The following ARHGAP42 variants were observed in gnomAD, a reference collection of about 807,000 sequenced individuals.
ARHGAP42 encodes the protein Rho GTPase activating protein 42.
A neutral mutation model predicts 125.0 loss-of-function variants in ARHGAP42; 63 were observed. The observed-to-expected ratio is 0.50, with a 90% CI of 0.41 to 0.62. ARHGAP42 has a LOEUF of 0.62. ARHGAP42 is among the 20% of genes least tolerant of loss of function. The pLI, the probability that ARHGAP42 is intolerant of heterozygous loss-of-function variation, is 0.00. For missense variants in ARHGAP42, 766 were observed against 1,024.2 expected, an observed-to-expected ratio of 0.75 and a Z score of 3.44; for synonymous variants, 339 against 351.0, an observed-to-expected ratio of 0.97 and a Z score of 0.38.
chr11:100,854,345 C>T (rs1030210507), intron 3 of ARHGAP42, among the ~76,000 whole-genome samples: 7 of 152,124 alleles, frequency 4.6e-5, no homozygotes, highest in Admixed American at 2.6e-4. Context: ...TTAGATCTAA[C>T]TGATGAGGTC....
At chr11:100,844,233 A>C (rs978510174) in intron 3 of ARHGAP42, among the ~76,000 whole-genome samples, 3 of 152,160 alleles carry the variant, frequency 2.0e-5, no homozygotes, top group African/African-American at 7.2e-5. Context: ...TGCTGGGATA[A>C]TTGGCAAGCC....
At chr11:100,715,631 A>G (rs896375187) in intron 1 of ARHGAP42, among the ~76,000 whole-genome samples, 3 of 152,206 alleles carry the variant, frequency 2.0e-5, no homozygotes, top group Non-Finnish European at 4.4e-5. Flanking sequence ...ACCTCCTGTC[A>G]GTGATAGACT....
At chr11:100,924,350 T>C (rs998924184) in intron 6 of ARHGAP42, among the ~76,000 whole-genome samples, 2 of 152,084 alleles carry the variant, frequency 1.3e-5, no homozygotes, top group African/African-American at 4.8e-5. Context: ...AAAACTTCTA[T>C]ACAGTATTCA....
intron 10 of ARHGAP42, among the ~76,000 whole-genome samples, chr11:100,945,404 A>G (rs1261781669): frequency 6.6e-6 from 1 of 152,108 alleles, no homozygotes; most frequent in East Asian, 1.9e-4. Context: ...TCTTAATGAC[A>G]TCTAAAGTGA....
At chr11:100,751,279 GTT>G (rs71465331) in intron 1 of ARHGAP42, among the ~76,000 whole-genome samples, 8,965 of 92,864 alleles carry the variant, frequency 0.097, 228 homozygotes, top group African/African-American at 0.18. Flanking sequence ...GTGTGTGTGT[GTT>G]TTTTTTTTTT....
chr11:100,962,375 C>G (rs1419944499), intron 15 of ARHGAP42, 34 bp from the exon 16 acceptor site: 2 of 1,514,882 alleles, frequency 1.3e-6, no homozygotes, highest in Non-Finnish European at 1.8e-6. Flanking sequence ...AAAGATTCTA[C>G]TATTCTAACA....
At chr11:100,908,607 G>T (rs1410555811) in intron 4 of ARHGAP42, among the ~76,000 whole-genome samples, 1 of 152,004 alleles carries the variant, frequency 6.6e-6, no homozygotes, top group Non-Finnish European at 1.5e-5. Flanking sequence ...AGTATTCCAT[G>T]GTGTATATAT....
chr11:100,893,254 T>C (rs572534800), intron 4 of ARHGAP42, among the ~76,000 whole-genome samples: 5 of 152,116 alleles, frequency 3.3e-5, no homozygotes, highest in Admixed American at 2.6e-4. Context: ...ATTATGTTAT[T>C]GTAAGTTAAT....
chr11:100,761,361 G>C (rs550363902), intron 1 of ARHGAP42, among the ~76,000 whole-genome samples: 1 of 152,190 alleles, frequency 6.6e-6, no homozygotes, highest in Non-Finnish European at 1.5e-5. Flanking sequence ...TGTTGAGGCA[G>C]AAGGAGACTC....
chr11:100,891,791 T>A (rs1866226109), intron 4 of ARHGAP42, among the ~76,000 whole-genome samples: 1 of 152,180 alleles, frequency 6.6e-6, no homozygotes, highest in Admixed American at 6.5e-5. Context: ...AGTTTATGTC[T>A]GTGCCATAGT....
chr11:100,921,762 G>T (rs1867276018), intron 6 of ARHGAP42, among the ~76,000 whole-genome samples, 158 bp downstream of exon 6: 1 of 152,108 alleles, frequency 6.6e-6, no homozygotes, highest in Non-Finnish European at 1.5e-5. Context: ...CAGGGAACTT[G>T]TAGGACAGTG....
intron 3 of ARHGAP42, among the ~76,000 whole-genome samples, chr11:100,831,509 A>C (rs965946251): frequency 1.3e-5 from 2 of 152,210 alleles, no homozygotes; most frequent in African/African-American, 4.8e-5. Flanking sequence ...TATCCGATGA[A>C]ACACGTTTAT....
At chr11:100,984,915 A>T (rs1478997203) in intron 22 of ARHGAP42, among the ~76,000 whole-genome samples, 1 of 152,236 alleles carries the variant, frequency 6.6e-6, no homozygotes, top group Admixed American at 6.5e-5. Context: ...ACATTAAATC[A>T]TCAAAGCTCT....
At chr11:100,775,749 C>T (rs1178161247) in intron 2 of ARHGAP42, among the ~76,000 whole-genome samples, 2 of 152,124 alleles carry the variant, frequency 1.3e-5, no homozygotes, top group African/African-American at 2.4e-5. Context: ...AATTTTTAAC[C>T]ACACCAAAGC....
chr11:100,907,651 C>T (rs931031659), intron 4 of ARHGAP42, among the ~76,000 whole-genome samples: 1 of 152,138 alleles, frequency 6.6e-6, no homozygotes. Flanking sequence ...CCTTGGGCTC[C>T]AGGTAATGCC....
chr11:100,931,848 T>G (rs979829284), intron 6 of ARHGAP42, among the ~76,000 whole-genome samples: 2 of 152,178 alleles, frequency 1.3e-5, no homozygotes, highest in Non-Finnish European at 2.9e-5. Context: ...GACTATATAT[T>G]TTATTGGATA....
intron 6 of ARHGAP42, among the ~76,000 whole-genome samples, chr11:100,931,674 T>A (rs1429426980): frequency 6.6e-6 from 1 of 152,172 alleles, no homozygotes; most frequent in Non-Finnish European, 1.5e-5. Flanking sequence ...AACTTCATAA[T>A]CTGTTAGTTG....
chr11:100,826,344 T>C (rs1013448832), intron 3 of ARHGAP42, among the ~76,000 whole-genome samples: 1 of 152,152 alleles, frequency 6.6e-6, no homozygotes, highest in Non-Finnish European at 1.5e-5. Flanking sequence ...TGACTATCCC[T>C]GCAACTCAGG....
At chr11:100,966,880 T>C (rs60673797) in intron 17 of ARHGAP42, among the ~76,000 whole-genome samples, 2,515 of 152,304 alleles carry the variant, frequency 0.017, 68 homozygotes, top group African/African-American at 0.056. Flanking sequence ...TAGTATTTAA[T>C]AGGGATATTT....
Sources: allele counts gnomAD v4.1 joint callset (sites outside exome capture counted in the v4.1 genomes callset), GRCh38; gene constraint gnomAD v4.1.1; transcripts MANE v1.5; gene names NCBI Gene and HGNC (gene_info 2026-07-23, HGNC 2026-07-21).